Variants in PLXDC2 observed in about 807,000 individuals in gnomAD.
The protein encoded by PLXDC2 is plexin domain-containing protein 2.
PLXDC2 carries 40 observed loss-of-function variants against 68.9 expected under a neutral mutation model. That is an observed-to-expected ratio of 0.58 (90% CI 0.45 to 0.76). The LOEUF (loss-of-function observed/expected upper bound fraction) is 0.76, where lower values mean the gene tolerates loss of function less well. PLXDC2 is among the 30% of genes least tolerant of loss of function. The pLI, the probability that PLXDC2 is intolerant of heterozygous loss-of-function variation, is 0.00. For missense variants in PLXDC2, 644 were observed against 661.9 expected (o/e 0.97, Z 0.30); for synonymous variants, 243 against 234.2 (o/e 1.04, Z -0.34).
chr10:20,170,635 G>C (rs1392728004), intron 7 of PLXDC2, among the ~76,000 whole-genome samples: 1 of 152,096 alleles, frequency 6.6e-6, no homozygotes, highest in Non-Finnish European at 1.5e-5. Flanking sequence ...ATGCTATTCA[G>C]AGCTTCCTGT....
intron 1 of PLXDC2, among the ~76,000 whole-genome samples, chr10:19,926,194 G>T (rs1833535028): frequency 1.3e-5 from 2 of 152,186 alleles, no homozygotes; most frequent in Admixed American, 1.3e-4. Context: ...ATCTCTGCCT[G>T]TTATGAATCT....
chr10:20,152,391 T>A (rs1317402026), intron 6 of PLXDC2, among the ~76,000 whole-genome samples: 4 of 152,140 alleles, frequency 2.6e-5, no homozygotes, highest in Non-Finnish European at 1.5e-5. Context: ...GTAATTAAGT[T>A]ATTTTTCCTG....
At chr10:20,111,873 T>A (rs1003136203) in intron 4 of PLXDC2, among the ~76,000 whole-genome samples, 5 of 152,220 alleles carry the variant, frequency 3.3e-5, no homozygotes, top group Non-Finnish European at 7.3e-5. Flanking sequence ...AATGTCTGCA[T>A]TCTTCCCAAA....
intron 9 of PLXDC2, among the ~76,000 whole-genome samples, chr10:20,181,990 T>C (rs1001248006): frequency 1.3e-5 from 2 of 151,474 alleles, no homozygotes; most frequent in African/African-American, 4.9e-5. Context: ...GGAGGTATGA[T>C]AGTAACTTGG....
At chr10:19,948,392 T>TTC (rs200772874) in intron 1 of PLXDC2, among the ~76,000 whole-genome samples, 906 of 32,950 alleles carry the variant, frequency 0.027, 19 homozygotes, top group East Asian at 0.15. Flanking sequence ...CTTTCTTTCT[T>TTC]TTTTTTTTTT....
chr10:20,172,030 C>T (rs1834453890), intron 7 of PLXDC2, among the ~76,000 whole-genome samples: 2 of 151,968 alleles, frequency 1.3e-5, no homozygotes, highest in Admixed American at 1.3e-4. Flanking sequence ...ACGCCAAAAG[C>T]ACAGACTTCA....
At chr10:20,182,639 A>G (rs755466293) in intron 9 of PLXDC2, among the ~76,000 whole-genome samples, 2 of 151,756 alleles carry the variant, frequency 1.3e-5, no homozygotes, top group Admixed American at 6.6e-5. Context: ...AAAAGGGACT[A>G]TCAAATTGGT....
chr10:19,902,862 G>A (rs1298797648), intron 1 of PLXDC2, among the ~76,000 whole-genome samples: 1 of 152,144 alleles, frequency 6.6e-6, no homozygotes, highest in Admixed American at 6.5e-5. Flanking sequence ...CTTCTATGCT[G>A]ATTTTGCTGA....
intron 2 of PLXDC2, among the ~76,000 whole-genome samples, chr10:20,010,500 A>G (rs1297518712): frequency 6.6e-6 from 1 of 152,172 alleles, no homozygotes; most frequent in African/African-American, 2.4e-5. Context: ...TTAGCTTGAC[A>G]TGTCAGCTCT....
chr10:20,164,957 G>T (rs149864890), intron 7 of PLXDC2, among the ~76,000 whole-genome samples: 1 of 151,954 alleles, frequency 6.6e-6, no homozygotes. Flanking sequence ...CTGGGACCAC[G>T]GGCATGCGCT....
At chr10:19,985,015 T>C (rs895467840) in intron 1 of PLXDC2, among the ~76,000 whole-genome samples, 24 of 152,228 alleles carry the variant, frequency 1.6e-4, no homozygotes, top group African/African-American at 5.8e-4. Context: ...TCTTCTGAAA[T>C]GTTATTTGTT....
chr10:20,065,334 A>G (rs1337474678), intron 3 of PLXDC2, among the ~76,000 whole-genome samples: 1 of 152,180 alleles, frequency 6.6e-6, no homozygotes, highest in Non-Finnish European at 1.5e-5. Flanking sequence ...GGTGTGCCCT[A>G]GAACTCATGT....
At chr10:20,268,803 G>A (rs1319003925) in intron 13 of PLXDC2, among the ~76,000 whole-genome samples, 1 of 152,174 alleles carries the variant, frequency 6.6e-6, no homozygotes, top group Non-Finnish European at 1.5e-5. Flanking sequence ...GACCAGTGCA[G>A]CACTATCTTG....
intron 4 of PLXDC2, among the ~76,000 whole-genome samples, chr10:20,140,761 TG>T (rs1207301620): frequency 1.3e-5 from 2 of 152,200 alleles, no homozygotes; most frequent in Admixed American, 6.5e-5. Flanking sequence ...CGTGAGATAT[TG>T]ATATAAGTAA....
At chr10:19,941,783 A>G (rs536807447) in intron 1 of PLXDC2, among the ~76,000 whole-genome samples, 4 of 152,192 alleles carry the variant, frequency 2.6e-5, no homozygotes, top group African/African-American at 7.2e-5. Context: ...CTCCCCCTTC[A>G]CTTCATACCT....
At chr10:20,182,064 C>T (rs547812589) in intron 9 of PLXDC2, among the ~76,000 whole-genome samples, 43 of 100,124 alleles carry the variant, frequency 4.3e-4, no homozygotes, top group African/African-American at 2.0e-3. Context: ...GGAAGGAAAC[C>T]GGTTATTTGT....
At chr10:20,256,770 T>C (rs544720191) in intron 13 of PLXDC2, among the ~76,000 whole-genome samples, 1 of 152,282 alleles carries the variant, frequency 6.6e-6, no homozygotes, top group Admixed American at 6.5e-5. Context: ...ATAAGTTTAA[T>C]ATGGAGAAAA....
intron 1 of PLXDC2, among the ~76,000 whole-genome samples, chr10:19,970,829 A>C (rs17760020): frequency 0.052 from 7,944 of 152,284 alleles, 265 homozygotes; most frequent in Middle Eastern, 0.092. Flanking sequence ...AAAGCAATAG[A>C]GAACAAGCCT....
intron 13 of PLXDC2, among the ~76,000 whole-genome samples, chr10:20,259,553 C>A (rs775180124): frequency 6.6e-6 from 1 of 152,210 alleles, no homozygotes; most frequent in Admixed American, 6.5e-5. Context: ...CTAAATACTT[C>A]ATGTAATAAC....
Sources: gnomAD v4.1 joint callset for allele counts (sites outside exome capture counted in the v4.1 genomes callset) on GRCh38, gnomAD v4.1.1 for gene constraint, MANE v1.5 for transcripts, NCBI Gene and HGNC (gene_info 2026-07-23, HGNC 2026-07-21) for gene names.